ETF1: variants seen among roughly 807,000 people sequenced by gnomAD.
ETF1 encodes eukaryotic peptide chain release factor subunit 1.
A neutral mutation model predicts 55.1 loss-of-function variants in ETF1; 4 were observed. The observed-to-expected ratio is 0.07, with a 90% CI of 0.04 to 0.17. The LOEUF is 0.17. ETF1 is among the 10% of genes least tolerant of loss of function. The probability of loss-of-function intolerance (pLI) is 1.00; values close to 1 mark genes in which losing one functional copy is unlikely to be tolerated. For synonymous variants in ETF1, 157 were observed against 182.3 expected (o/e 0.86, Z 1.12); for missense variants, 142 against 523.6 (o/e 0.27, Z 7.11).
intron 2 of ETF1, among the ~76,000 whole-genome samples, chr5:138,524,271 C>T (rs1419252904): frequency 6.6e-6 from 1 of 151,558 alleles, no homozygotes; most frequent in Non-Finnish European, 1.5e-5. Flanking sequence ...GAGAATCGCT[C>T]GAACCTGGGA....
At chr5:138,520,316 C>T (rs949180659) in intron 2 of ETF1, among the ~76,000 whole-genome samples, 3 of 151,858 alleles carry the variant, frequency 2.0e-5, no homozygotes, top group Admixed American at 6.6e-5. Context: ...TGAACACCTC[C>T]ATACACATAA....
chr5:138,536,539 T>C (rs924043491), intron 2 of ETF1, among the ~76,000 whole-genome samples: 1 of 152,042 alleles, frequency 6.6e-6, no homozygotes, highest in African/African-American at 2.4e-5. Context: ...TAATTCCTTC[T>C]CCCCCTCACT....
rs1362538539 is a variant in ETF1, at chr5:138,507,192, T to C, written c.*1113A>G. On this transcript the variant is annotated 3_prime_UTR_variant, in exon 11 of 11. Transcript: ENST00000360541. ...CCCATCCCTTCCCACCCGCCCCTAA[T>C]TTCTCATGTGAGAAGTGCTTGTAAG... 5.2e-5 allele frequency: 7 copies of C among 133,862 alleles called. No individual in the cohort carries two copies. Among genetic ancestry groups the C allele is most frequent in the Admixed American group, 1.5e-4 (2 of 13,064 alleles). The allele number at this position is 133,862 out of a possible 1,614,324, so 8.3% of individuals were successfully genotyped here. A position where few individuals can be genotyped will look rare whatever the true frequency, so the allele number is the denominator to read the frequency against.
At chr5:138,541,786 T>G in intron 2 of ETF1, 1 of 555,966 alleles carries the variant, frequency 1.8e-6, no homozygotes, top group Non-Finnish European at 2.7e-6. Flanking sequence ...GCACTTCCTG[T>G]AAGTAAAAAG....
intron 4 of ETF1, among the ~76,000 whole-genome samples, chr5:138,517,303 G>A (rs963600744): frequency 1.1e-4 from 16 of 151,700 alleles, no homozygotes; most frequent in African/African-American, 2.7e-4. Flanking sequence ...TCTGGGAGGC[G>A]GAGCTTGCAG....
At chr5:138,532,154 T>A (rs2127118760) in intron 2 of ETF1, among the ~76,000 whole-genome samples, 1 of 152,350 alleles carries the variant, frequency 6.6e-6, no homozygotes, top group Non-Finnish European at 1.5e-5. Context: ...ATCAATCAGT[T>A]CCTCTTCAAT....
chr5:138,512,066 G>A (rs1335611322), intron 6 of ETF1: 2 of 160,468 alleles, frequency 1.2e-5, no homozygotes, highest in Non-Finnish European at 2.6e-5. Flanking sequence ...TGGGCATGGT[G>A]ACACATCCCT....
intron 6 of ETF1, 58 bp from the exon 7 acceptor site, chr5:138,511,662 A>G (rs921271650): frequency 2.0e-6 from 3 of 1,515,820 alleles, no homozygotes; most frequent in Non-Finnish European, 2.6e-6. Context: ...AATATTATTA[A>G]AACACCTTTA....
At chr5:138,542,700 A>G in intron 2 of ETF1, 133 bp downstream of exon 2, 2 of 1,502,472 alleles carry the variant, frequency 1.3e-6, no homozygotes, top group Non-Finnish European at 1.8e-6. Context: ...GTCAGGGGCT[A>G]CTACCCAGAG....
At chr5:138,525,159 T>C (rs956676972) in intron 2 of ETF1, among the ~76,000 whole-genome samples, 1 of 150,644 alleles carries the variant, frequency 6.6e-6, no homozygotes, top group Non-Finnish European at 1.5e-5. Flanking sequence ...TTACTATTAA[T>C]AATTTTTTTT....
intron 2 of ETF1, among the ~76,000 whole-genome samples, chr5:138,522,368 G>A (rs1237373670): frequency 6.6e-6 from 1 of 152,158 alleles, no homozygotes; most frequent in Non-Finnish European, 1.5e-5. Context: ...GACATAGCAT[G>A]TGAAGAAATC....
In ETF1 at chr5:138,508,102, C is replaced by T. The variant is rs1764622997; in HGVS notation, c.*203G>A. 1.9e-6 allele frequency: 1 copy of T among 532,992 alleles called. No homozygotes were observed. The allele number at this position is 532,992 out of a possible 1,614,324, so 33.0% of individuals were successfully genotyped here. ...CGTTTAGGAACTTAGTTGTAGGCTG[C>T]TGCGCTGACACCATGACAAACCAAA... is the stretch of plus-strand genomic sequence containing the variant. On this transcript the variant is annotated 3_prime_UTR_variant, in exon 11 of 11. Transcript: ENST00000360541.
At chr5:138,508,632 C>T in intron 10 of ETF1, 37 bp downstream of exon 10, 1 of 1,610,434 alleles carries the variant, frequency 6.2e-7, no homozygotes, top group Non-Finnish European at 8.5e-7. Context: ...GACCTGAGAC[C>T]CTGGTTTTAA....
chr5:138,520,121 A>C (rs1765174952), intron 2 of ETF1, among the ~76,000 whole-genome samples: 1 of 144,616 alleles, frequency 6.9e-6, no homozygotes, highest in Non-Finnish European at 1.5e-5. Flanking sequence ...TTAAGACCCC[A>C]AAATCCAGGG....
chr5:138,516,625 T>C (rs573353355), intron 4 of ETF1, among the ~76,000 whole-genome samples: 2 of 152,248 alleles, frequency 1.3e-5, no homozygotes, highest in East Asian at 3.9e-4. Flanking sequence ...TGGGCGACAG[T>C]GTGAGACTCT....
chr5:138,521,985 CTTAGT>C (rs927182778), intron 2 of ETF1, among the ~76,000 whole-genome samples: 2 of 152,074 alleles, frequency 1.3e-5, no homozygotes, highest in African/African-American at 2.4e-5. Context: ...CCTGATTTTT[CTTAGT>C]TTAGTCACAA....
At chr5:138,510,223 T>C (rs907640528) in intron 9 of ETF1, among the ~76,000 whole-genome samples, 4 of 151,456 alleles carry the variant, frequency 2.6e-5, no homozygotes, top group Non-Finnish European at 5.9e-5. Flanking sequence ...TTGGGCGTGG[T>C]GGTGTATGCC....
At chr5:138,525,944 A>T (rs868240154) in intron 2 of ETF1, among the ~76,000 whole-genome samples, 2 of 2,154 alleles carry the variant, frequency 9.3e-4, no homozygotes, top group African/African-American at 2.0e-3. Flanking sequence ...GACTCTGTTT[A>T]AAAAAAAAAA....
chr5:138,510,868 C>T (rs1041215633), intron 8 of ETF1, 177 bp downstream of exon 8: 11 of 876,502 alleles, frequency 1.3e-5, no homozygotes, highest in African/African-American at 3.6e-5. Context: ...CTTAAGCAGA[C>T]GTTAAACAGT....
Sources: allele counts gnomAD v4.1 joint callset (sites outside exome capture counted in the v4.1 genomes callset), GRCh38; gene constraint gnomAD v4.1.1; transcripts MANE v1.5; gene names NCBI Gene and HGNC (gene_info 2026-07-23, HGNC 2026-07-21).